The following P2RY14 variants were observed in gnomAD, a reference collection of about 807,000 sequenced individuals.
P2RY14 encodes the protein P2Y purinoceptor 14.
In P2RY14, 2 loss-of-function variants were observed where a neutral mutation model predicts 0.9. That is an observed-to-expected ratio of 2.16 (90% CI 0.88 to 6.79). The LOEUF (loss-of-function observed/expected upper bound fraction) is 6.79, where lower values mean the gene tolerates loss of function less well. Among genes scored for constraint, P2RY14 ranks in the 30% most tolerant of loss-of-function variants. The pLI, the probability that P2RY14 is intolerant of heterozygous loss-of-function variation, is 0.05. For missense variants in P2RY14, 378 were observed against 400.1 expected, an observed-to-expected ratio of 0.94 and a Z score of 0.47; for synonymous variants, 158 against 147.2, an observed-to-expected ratio of 1.07 and a Z score of -0.53.
Position 151,246,468 on chromosome 3 carries a change from A to G in P2RY14, c.-132-26826T>C, listed in dbSNP as rs537720663. 2.1e-4 allele frequency among the ~76,000 whole-genome samples: 32 copies of G among 152,210 alleles called. No homozygotes were observed. In the South Asian group the frequency reaches 3.7e-3, roughly 18 times the overall value. ...ACAGAGCCCTCAGAAATAACGCCGC[A>G]TATCTACAACTCTCTGATCTTTGAC... On this transcript the variant is annotated intron_variant, in intron 1 of 2. Coordinates refer to ENST00000309170, the MANE Select transcript of P2RY14 (RefSeq NM_014879.4).
chr3:151,237,622 A>T (rs1733185668), intron 1 of P2RY14, among the ~76,000 whole-genome samples: 1 of 152,052 alleles, frequency 6.6e-6, no homozygotes, highest in Non-Finnish European at 1.5e-5. Flanking sequence ...AAGTGCTGGG[A>T]TTACAGGTGT....
chr3:151,256,781 T>G (rs1737888405), intron 1 of P2RY14, among the ~76,000 whole-genome samples: 1 of 151,226 alleles, frequency 6.6e-6, no homozygotes, highest in African/African-American at 2.4e-5. Flanking sequence ...GTTAATACTT[T>G]GTTAGTTCAG....
chr3:151,250,633 G>A (rs1169017152), intron 1 of P2RY14, among the ~76,000 whole-genome samples: 1 of 152,056 alleles, frequency 6.6e-6, no homozygotes, highest in Admixed American at 6.6e-5. Context: ...ATAATATTCC[G>A]CTCTATGTAT....
intron 1 of P2RY14, among the ~76,000 whole-genome samples, chr3:151,249,450 G>GT (rs751054905): frequency 6.6e-6 from 1 of 152,174 alleles, no homozygotes; most frequent in Non-Finnish European, 1.5e-5. Context: ...CAGGAAAGCT[G>GT]TTTAAGTAGG....
chr3:151,226,035 C>T (rs535202793), intron 1 of P2RY14, among the ~76,000 whole-genome samples: 241 of 152,256 alleles, frequency 1.6e-3, no homozygotes, highest in Non-Finnish European at 3.0e-3. Context: ...CTGCCATGCC[C>T]TATGGAAACA....
At chr3:151,238,473 C>G (rs552444682) in intron 1 of P2RY14, among the ~76,000 whole-genome samples, 1 of 152,206 alleles carries the variant, frequency 6.6e-6, no homozygotes, top group African/African-American at 2.4e-5. Flanking sequence ...AAAATGTGGT[C>G]TGCAGAACCA....
chr3:151,273,119 C>A (rs1344261429), intron 1 of P2RY14, among the ~76,000 whole-genome samples: 1 of 152,032 alleles, frequency 6.6e-6, no homozygotes, highest in African/African-American at 2.4e-5. Context: ...AATATTCAAC[C>A]TCTGTATCTC....
intron 1 of P2RY14, among the ~76,000 whole-genome samples, chr3:151,223,361 A>G (rs887536398): frequency 6.6e-6 from 1 of 152,180 alleles, no homozygotes; most frequent in Admixed American, 6.5e-5. Context: ...AAGAAAAACA[A>G]ATTGTTTTAC....
At chr3:151,249,186 A>G (rs943234175) in intron 1 of P2RY14, 1 of 152,200 alleles carries the variant, frequency 6.6e-6, no homozygotes, top group Non-Finnish European at 1.5e-5. Context: ...AGTAAATAGT[A>G]TGAAACCAGC....
chr3:151,256,680 A>C (rs527812274), intron 1 of P2RY14, among the ~76,000 whole-genome samples: 9 of 152,358 alleles, frequency 5.9e-5, no homozygotes, highest in Admixed American at 2.0e-4. Flanking sequence ...TCGTATTTTA[A>C]GATCTAAGAG....
At chr3:151,259,217 CTG>C (rs1738411597) in intron 1 of P2RY14, among the ~76,000 whole-genome samples, 1 of 152,222 alleles carries the variant, frequency 6.6e-6, no homozygotes, top group Non-Finnish European at 1.5e-5. Context: ...ACACAACTCT[CTG>C]AGAACAATGG....
At chr3:151,229,037 G>C (rs1731087628) in intron 1 of P2RY14, among the ~76,000 whole-genome samples, 1 of 152,202 alleles carries the variant, frequency 6.6e-6, no homozygotes. Context: ...AAATTTCCAT[G>C]TGTGAGAAAA....
chr3:151,229,151 G>A (rs2149312637), intron 1 of P2RY14, among the ~76,000 whole-genome samples: 1 of 152,302 alleles, frequency 6.6e-6, no homozygotes, highest in Admixed American at 6.5e-5. Flanking sequence ...AGAATTTTAA[G>A]TGGGAGTAGA....
At chr3:151,252,833 A>G (rs1737110612) in intron 1 of P2RY14, among the ~76,000 whole-genome samples, 1 of 152,152 alleles carries the variant, frequency 6.6e-6, no homozygotes, top group Non-Finnish European at 1.5e-5. Context: ...AAATGTGTGT[A>G]TTTTAACCAA....
At chr3:151,214,894 T>G (rs970979510) in intron 2 of P2RY14, among the ~76,000 whole-genome samples, 1 of 152,230 alleles carries the variant, frequency 6.6e-6, no homozygotes, top group Non-Finnish European at 1.5e-5. Context: ...AAACCTATGT[T>G]GGAAATGTGA....
intron 1 of P2RY14, among the ~76,000 whole-genome samples, chr3:151,237,263 C>T (rs1200616747): frequency 6.7e-6 from 1 of 150,214 alleles, no homozygotes; most frequent in Non-Finnish European, 1.5e-5. Context: ...TGGTCTTGAA[C>T]ACCTGACCTT....
intron 1 of P2RY14, among the ~76,000 whole-genome samples, chr3:151,275,840 G>A (rs978067250): frequency 7.2e-5 from 11 of 152,134 alleles, no homozygotes; most frequent in Non-Finnish European, 1.2e-4. Flanking sequence ...TATTTTTACT[G>A]AAGTTGATTT....
At chr3:151,242,346 A>T (rs541229588) in intron 1 of P2RY14, among the ~76,000 whole-genome samples, 1 of 152,258 alleles carries the variant, frequency 6.6e-6, no homozygotes. Flanking sequence ...AAAAGACAGC[A>T]GTAACCTCTG....
At chr3:151,259,121 T>G (rs1185863214) in intron 1 of P2RY14, among the ~76,000 whole-genome samples, 1 of 152,198 alleles carries the variant, frequency 6.6e-6, no homozygotes, top group Non-Finnish European at 1.5e-5. Context: ...TTTTAACACA[T>G]GGACTGAAAG....
Sources: allele counts gnomAD v4.1 joint callset (sites outside exome capture counted in the v4.1 genomes callset), GRCh38; gene constraint gnomAD v4.1.1; transcripts MANE v1.5; gene names NCBI Gene and HGNC (gene_info 2026-07-23, HGNC 2026-07-21).